The following DIPK1A variants were observed in gnomAD, a reference collection of about 807,000 sequenced individuals.
The protein encoded by DIPK1A is family with sequence similarity 69 member A.
DIPK1A carries 27 observed loss-of-function variants against 40.8 expected under a neutral mutation model. The ratio of observed to expected loss-of-function variants is 0.66; its 90% confidence interval spans 0.49 to 0.91. The LOEUF (loss-of-function observed/expected upper bound fraction) is 0.91, where lower values mean the gene tolerates loss of function less well. DIPK1A is among the 40% of genes least tolerant of loss of function. The pLI is 0.00. For missense variants in DIPK1A, 412 were observed against 505.7 expected (o/e 0.81, Z 1.78); for synonymous variants, 166 against 171.3 (o/e 0.97, Z 0.24).
intron 1 of DIPK1A, among the ~76,000 whole-genome samples, chr1:92,926,229 T>A (rs1205290884): frequency 6.6e-6 from 1 of 152,234 alleles, no homozygotes. Flanking sequence ...TTTAACTGCA[T>A]CCCAAAAATG....
intron 2 of DIPK1A, among the ~76,000 whole-genome samples, chr1:92,857,848 T>A (rs961878187): frequency 3.3e-5 from 5 of 152,088 alleles, no homozygotes; most frequent in South Asian, 4.1e-4. Flanking sequence ...CCTGTTCTTT[T>A]AACCACTAAA....
At chr1:92,948,966 G>A (rs531700888) in intron 1 of DIPK1A, among the ~76,000 whole-genome samples, 3 of 150,654 alleles carry the variant, frequency 2.0e-5, no homozygotes, top group East Asian at 2.0e-4. Context: ...CACCATACCC[G>A]GCTAATTTTT....
intron 1 of DIPK1A, among the ~76,000 whole-genome samples, chr1:92,892,962 G>A (rs9440127): frequency 0.68 from 103,969 of 151,864 alleles, 36,160 homozygotes; most frequent in East Asian, 0.95. Context: ...AAAAAGAATA[G>A]AAAGAAATGA....
intron 1 of DIPK1A, among the ~76,000 whole-genome samples, chr1:92,906,664 A>G (rs1238854562): frequency 6.6e-6 from 1 of 152,176 alleles, no homozygotes; most frequent in African/African-American, 2.4e-5. Flanking sequence ...CAGTCAAAAA[A>G]GCATGCAGAT....
At chr1:92,879,223 T>C (rs139188947) in intron 1 of DIPK1A, among the ~76,000 whole-genome samples, 1 of 152,264 alleles carries the variant, frequency 6.6e-6, no homozygotes, top group Non-Finnish European at 1.5e-5. Flanking sequence ...CACATGTATC[T>C]TTTTTGAGTC....
chr1:92,905,544 T>C (rs1649588978), intron 1 of DIPK1A, among the ~76,000 whole-genome samples: 1 of 152,174 alleles, frequency 6.6e-6, no homozygotes, highest in South Asian at 2.1e-4. Flanking sequence ...GATGGGTAGT[T>C]TGCAAATATT....
downstream of DIPK1A, chr1:92,837,854 A>G (rs534885982): frequency 6.1e-5 from 34 of 555,356 alleles, 1 homozygote; most frequent in South Asian, 6.7e-4. Context: ...CTGTATTTGT[A>G]GATGTCATTT....
intron 1 of DIPK1A, among the ~76,000 whole-genome samples, chr1:92,879,025 T>TA (rs1337925129): frequency 2.0e-5 from 3 of 150,116 alleles, no homozygotes; most frequent in Non-Finnish European, 3.0e-5. Context: ...AAAATAAAAA[T>TA]AAAAATTAGC....
intron 1 of DIPK1A, among the ~76,000 whole-genome samples, chr1:92,924,825 A>C (rs1336734881): frequency 6.6e-6 from 1 of 152,246 alleles, no homozygotes; most frequent in East Asian, 1.9e-4. Context: ...TATAGCTTCC[A>C]GTGGAATGCT....
At chr1:92,913,951 T>A (rs931988859) in intron 1 of DIPK1A, among the ~76,000 whole-genome samples, 2 of 152,138 alleles carry the variant, frequency 1.3e-5, no homozygotes, top group African/African-American at 4.8e-5. Context: ...CTCTGAGGCA[T>A]TCATTCAATC....
intron 1 of DIPK1A, among the ~76,000 whole-genome samples, chr1:92,946,555 C>A (rs1368917670): frequency 1.3e-5 from 2 of 152,190 alleles, no homozygotes; most frequent in Non-Finnish European, 2.9e-5. Flanking sequence ...AAAATTACAA[C>A]TATCAAACAA....
intron 1 of DIPK1A, 112 bp from the exon 2 acceptor site, chr1:92,876,542 T>C: frequency 8.9e-7 from 1 of 1,121,682 alleles, no homozygotes; most frequent in East Asian, 2.5e-5. Context: ...TATTCCAGGC[T>C]TTTATATGGC....
In DIPK1A at chr1:92,847,330, TG is replaced by T; in HGVS notation, c.326del (p.Pro109GlnfsTer4). ...QMYLGIWDNL[P>X]GVVKCQMEQA... ...GTTCCATTTGACATTTCACAACACC[TG>T]GTAGATTATCCCAAATCCCTAAATA... is the stretch of plus-strand genomic sequence containing the variant. On this transcript the variant is annotated frameshift_variant, in exon 4 of 5. Transcript: ENST00000370310. LOFTEE classifies it high-confidence loss of function. The T allele has an allele frequency of 6.2e-7, 1 of 1,610,292 alleles. No individual in the cohort carries two copies. The highest frequency in any genetic ancestry group is 8.5e-7 in the Non-Finnish European group (1 of 1,178,188).
chr1:92,895,676 AT>A (rs772684736), intron 1 of DIPK1A, among the ~76,000 whole-genome samples: 63 of 152,214 alleles, frequency 4.1e-4, no homozygotes, highest in Non-Finnish European at 7.8e-4. Flanking sequence ...GGAGAAGGAA[AT>A]AAAGGGTATT....
At chr1:92,923,616 A>AT (rs1335977477) in intron 1 of DIPK1A, among the ~76,000 whole-genome samples, 1 of 152,182 alleles carries the variant, frequency 6.6e-6, no homozygotes, top group African/African-American at 2.4e-5. Context: ...TAAGTCCCAT[A>AT]TTGCTATGTG....
At chr1:92,898,468 G>C (rs1382240248) in intron 1 of DIPK1A, among the ~76,000 whole-genome samples, 1 of 152,100 alleles carries the variant, frequency 6.6e-6, no homozygotes, top group African/African-American at 2.4e-5. Context: ...CATGAGATTT[G>C]GAGGGGACAA....
chr1:92,929,638 C>T (rs1323566289), intron 1 of DIPK1A, among the ~76,000 whole-genome samples: 1 of 152,156 alleles, frequency 6.6e-6, no homozygotes, highest in Non-Finnish European at 1.5e-5. Flanking sequence ...ACTTCCTTTC[C>T]AGTGCCTTTA....
chr1:92,858,426 T>C (rs1047302610), intron 2 of DIPK1A, among the ~76,000 whole-genome samples: 3 of 152,208 alleles, frequency 2.0e-5, no homozygotes, highest in Non-Finnish European at 4.4e-5. Flanking sequence ...GTTACATTCA[T>C]CTTCAAACCT....
downstream of DIPK1A, chr1:92,837,702 G>A: frequency 2.3e-6 from 3 of 1,319,512 alleles, no homozygotes; most frequent in Non-Finnish European, 3.2e-6. Flanking sequence ...TTGTTTTGGG[G>A]GCAGGTAACA....
Sources: allele counts gnomAD v4.1 joint callset (sites outside exome capture counted in the v4.1 genomes callset), GRCh38; gene constraint gnomAD v4.1.1; transcripts MANE v1.5; gene names NCBI Gene and HGNC (gene_info 2026-07-23, HGNC 2026-07-21).